The following TSHZ1 variants were observed in gnomAD, a reference collection of about 807,000 sequenced individuals.
TSHZ1 encodes teashirt homolog 1.
In TSHZ1, 12 loss-of-function variants were observed where a neutral mutation model predicts 67.1. That is an observed-to-expected ratio of 0.18 (90% CI 0.11 to 0.29). The LOEUF is 0.29. TSHZ1 is among the 10% of genes least tolerant of loss of function. The pLI, the probability that TSHZ1 is intolerant of heterozygous loss-of-function variation, is 1.00. For synonymous variants in TSHZ1, 632 were observed against 622.4 expected, an observed-to-expected ratio of 1.02 and a Z score of -0.23; for missense variants, 1,305 against 1,413.9, an observed-to-expected ratio of 0.92 and a Z score of 1.23.
chr18:75,259,225 C>CA (rs1279551847), intron 1 of TSHZ1, among the ~76,000 whole-genome samples: 1 of 152,176 alleles, frequency 6.6e-6, no homozygotes, highest in East Asian at 1.9e-4. Flanking sequence ...AGATTTCACT[C>CA]AGTCTCTTTC....
intron 1 of TSHZ1, among the ~76,000 whole-genome samples, chr18:75,243,985 A>T (rs1035615804): frequency 6.6e-6 from 1 of 152,212 alleles, no homozygotes; most frequent in African/African-American, 2.4e-5. Flanking sequence ...AAAAAAATAC[A>T]TGATACATTT....
At chr18:75,244,105 G>GTGGAAAGCAGTCT (rs1051924227) in intron 1 of TSHZ1, among the ~76,000 whole-genome samples, 17 of 152,350 alleles carry the variant, frequency 1.1e-4, no homozygotes, top group African/African-American at 4.1e-4. Flanking sequence ...GAAGGAGCAA[G>GTGGAAAGCAGTCT]TGGAAAGCAG....
chr18:75,272,163 GAT>G (rs1295892356), intron 1 of TSHZ1, among the ~76,000 whole-genome samples: 3 of 152,260 alleles, frequency 2.0e-5, no homozygotes, highest in African/African-American at 7.2e-5. Context: ...TCCCTTTGGT[GAT>G]GGGAGCCCTA....
At chr18:75,234,258 T>C (rs1462028362) in intron 1 of TSHZ1, among the ~76,000 whole-genome samples, 1 of 152,160 alleles carries the variant, frequency 6.6e-6, no homozygotes, top group African/African-American at 2.4e-5. Flanking sequence ...GTGGGTTCCC[T>C]GCGCACCTAC....
chr18:75,235,862 T>C (rs2023061103), intron 1 of TSHZ1, among the ~76,000 whole-genome samples: 1 of 152,220 alleles, frequency 6.6e-6, no homozygotes, highest in African/African-American at 2.4e-5. Flanking sequence ...CTCCAGCGTC[T>C]GTCTGGCTCC....
At chr18:75,226,527 T>C (rs1469259132) in intron 1 of TSHZ1, among the ~76,000 whole-genome samples, 4 of 152,126 alleles carry the variant, frequency 2.6e-5, no homozygotes, top group Admixed American at 6.5e-5. Flanking sequence ...CATTACTGAG[T>C]TAATTTATGT....
chr18:75,219,666 A>C (rs1339342813), intron 1 of TSHZ1, among the ~76,000 whole-genome samples: 1 of 152,136 alleles, frequency 6.6e-6, no homozygotes, highest in East Asian at 1.9e-4. Flanking sequence ...TGGGGGAAAA[A>C]CCCCACAACA....
chr18:75,271,892 CAGAG>C (rs1179226894), intron 1 of TSHZ1, among the ~76,000 whole-genome samples: 1 of 152,146 alleles, frequency 6.6e-6, no homozygotes, highest in East Asian at 1.9e-4. Flanking sequence ...AATCTGGTAA[CAGAG>C]AGAACATTAT....
At chr18:75,257,673 C>G (rs1208940349) in intron 1 of TSHZ1, among the ~76,000 whole-genome samples, 3 of 151,812 alleles carry the variant, frequency 2.0e-5, no homozygotes, top group Non-Finnish European at 4.4e-5. Flanking sequence ...TTTGCTTTTG[C>G]CTCTGGGATC....
rs138899990 is a variant in TSHZ1 at position 75,222,719 on chromosome 18, G to A, written c.40+10803G>A. 8.3e-4 allele frequency among the ~76,000 whole-genome samples: 127 copies of A among 152,260 alleles called. 2 individuals carry two copies. In the East Asian group the frequency reaches 0.019, roughly 22 times the overall value. On this transcript the variant is annotated intron_variant, in intron 1 of 1. Coordinates refer to ENST00000580243, the MANE Select transcript of TSHZ1 (RefSeq NM_001308210.2). ...TGTTTAAACCCAGTTCTCAAAGACT[G>A]CCCCCTCCACCCCCCTATTTTTTGT...
rs2023824226 is a variant in TSHZ1, at chr18:75,288,885, C to G, written c.*244C>G. The G allele has an allele frequency of 2.2e-6, 1 of 461,752 alleles. No homozygotes were observed. Among genetic ancestry groups the G allele is most frequent in the African/African-American group, 2.0e-5 (1 of 49,656 alleles). The allele number at this position is 461,752 out of a possible 1,614,324, so 28.6% of individuals were successfully genotyped here. A position where few individuals can be genotyped will look rare whatever the true frequency, so the allele number is the denominator to read the frequency against. On this transcript the variant is annotated 3_prime_UTR_variant, in exon 2 of 2. Transcript: ENST00000580243. This position sits in a 1 kb window ranked among gnomAD's most constrained non-coding sequence, Gnocchi z 4.9. ...ACATCTGTTCTTGGTGTTAAGCTAT[C>G]TTTTGTAGGAAATAGTGGGGCACAC...
At position 75,286,224 on chromosome 18, in the gene TSHZ1, G is replaced by T. The variant is rs1229838992; in HGVS notation, c.817G>T (p.Asp273Tyr). The T allele has an allele frequency of 6.2e-7, 1 of 1,614,074 alleles. No homozygotes were observed. Reference protein sequence around the residue: ...VHMNETGHYRDDNRDKDSEKT... With the variant: ...VHMNETGHYRYDNRDKDSEKT... Reference sequence around the variant, plus strand: ...CATGAACGAGACAGGCCACTACCGTGACGACAACAGGGACAAGGACTCCGA... The same window carrying T: ...CATGAACGAGACAGGCCACTACCGTTACGACAACAGGGACAAGGACTCCGA... Residue 273 changes from aspartate to tyrosine, a missense_variant, in exon 2 of 2, where the codon GAC (aspartate) becomes TAC (tyrosine). Asp to Tyr is a radical substitution (Grantham distance 160). Coordinates refer to ENST00000580243, the MANE Select transcript of TSHZ1 (RefSeq NM_001308210.2). The surrounding 1 kb of genome is among the most constrained non-coding windows in gnomAD (Gnocchi z 5.1).
In TSHZ1 at chr18:75,264,430, T is replaced by C. The variant is rs542252279; in HGVS notation, c.41-21018T>C. Among the ~76,000 whole-genome samples the C allele has an allele frequency of 1.1e-4, 17 of 152,298 alleles. No homozygotes were observed. In the East Asian group the frequency reaches 3.1e-3, roughly 28 times the overall value. On this transcript the variant is annotated intron_variant, in intron 1 of 1. Coordinates refer to ENST00000580243, the MANE Select transcript of TSHZ1 (RefSeq NM_001308210.2). ...GCATGCGGGTGGTGTTTCTGTGCCT[T>C]TCTGTTCATCAACCTCATGCTTAGC...
In TSHZ1 at chr18:75,288,609, C is replaced by G; in HGVS notation, c.3202C>G (p.Leu1068Val). 6.2e-7 allele frequency: 1 copy of G among 1,607,476 alleles called. No individual in the cohort carries two copies. The highest frequency in any genetic ancestry group is 8.5e-7 in the Non-Finnish European group (1 of 1,177,136). Reference sequence around the variant, plus strand: ...CCACGGCAAGTCTCCCGAGGACCACCTGATCTATGTGACTGAGTTGGAGAA... The same window carrying G: ...CCACGGCAAGTCTCCCGAGGACCACGTGATCTATGTGACTGAGTTGGAGAA... ...KTHGKSPEDH[L>V]IYVTELEKQ The change falls in exon 2 of 2, where the codon CTG (leucine) becomes GTG (valine). Residue 1068 changes from leucine (L) to valine (V), a missense_variant. Physicochemically the swap from Leu to Val is conservative, Grantham distance 32. Around this residue, in one of 3 missense-constraint regions of TSHZ1, gnomAD observed 909 missense variants for 961.8 expected, o/e 0.95. Transcript: ENST00000580243. The surrounding 1 kb of genome is among the most constrained non-coding windows in gnomAD (Gnocchi z 4.9).
intron 1 of TSHZ1, among the ~76,000 whole-genome samples, chr18:75,232,104 G>C (rs900986239): frequency 6.6e-6 from 1 of 151,526 alleles, no homozygotes. Context: ...GTAGTGACAG[G>C]GTTTCTCCAT....
chr18:75,214,824 C>T (rs566586294), intron 1 of TSHZ1, among the ~76,000 whole-genome samples: 118 of 152,280 alleles, frequency 7.7e-4, no homozygotes, highest in African/African-American at 2.6e-3. Flanking sequence ...TAACAGGCCC[C>T]TAATTATCTG....
intron 1 of TSHZ1, among the ~76,000 whole-genome samples, chr18:75,227,041 G>A (rs188157123): frequency 2.0e-4 from 30 of 152,152 alleles, no homozygotes; most frequent in African/African-American, 6.7e-4. Context: ...ATGGAGTCCC[G>A]GCTTTCCGTG....
At chr18:75,270,341 C>T (rs555804975) in intron 1 of TSHZ1, among the ~76,000 whole-genome samples, 5 of 152,290 alleles carry the variant, frequency 3.3e-5, no homozygotes, top group South Asian at 2.1e-4. Context: ...AGAGTACTTA[C>T]GATGGTGGCT....
chr18:75,254,423 G>A (rs1191873904), intron 1 of TSHZ1, among the ~76,000 whole-genome samples: 1 of 152,170 alleles, frequency 6.6e-6, no homozygotes, highest in Non-Finnish European at 1.5e-5. Flanking sequence ...TCAGAACTAA[G>A]AATCAGAAGG....
Sources: gnomAD v4.1 joint callset for allele counts (sites outside exome capture counted in the v4.1 genomes callset) on GRCh38, gnomAD v4.1.1 for gene constraint, gnomAD v4.1.1 regional missense constraint, Gnocchi (gnomAD v3.1) non-coding constraint, MANE v1.5 for transcripts, NCBI Gene and HGNC (gene_info 2026-07-23, HGNC 2026-07-21) for gene names.